DLG1: variants seen among roughly 807,000 people sequenced by gnomAD.
DLG1 encodes the protein disks large homolog 1.
Under a neutral mutation model 123.4 loss-of-function variants are expected in DLG1, and 42 were observed. That is an observed-to-expected ratio of 0.34 (90% CI 0.27 to 0.44). The LOEUF is 0.44. Among genes scored for constraint, DLG1 ranks in the 20% least tolerant of loss-of-function variants. DLG1 has a pLI of 1.00. For synonymous variants in DLG1, 317 were observed against 356.2 expected, an observed-to-expected ratio of 0.89 and a Z score of 1.24; for missense variants, 942 against 1,082.6, an observed-to-expected ratio of 0.87 and a Z score of 1.82.
intron 18 of DLG1, among the ~76,000 whole-genome samples, chr3:197,076,249 T>C (rs1747200703): frequency 6.6e-6 from 1 of 152,234 alleles, no homozygotes; most frequent in Admixed American, 6.5e-5. Context: ...AGGTAGCTTC[T>C]CATGTATTCA....
chr3:197,099,783 C>G (rs1428614043), intron 14 of DLG1, among the ~76,000 whole-genome samples: 1 of 152,114 alleles, frequency 6.6e-6, no homozygotes, highest in East Asian at 1.9e-4. Flanking sequence ...AGATATTAAA[C>G]CCAAGAGAAA....
chr3:197,280,686 G>A (rs1337758708), intron 4 of DLG1, among the ~76,000 whole-genome samples: 2 of 151,932 alleles, frequency 1.3e-5, no homozygotes, highest in South Asian at 2.1e-4. Flanking sequence ...ATAAGAATTC[G>A]AGGCTTTATA....
intron 5 of DLG1, among the ~76,000 whole-genome samples, chr3:197,184,739 T>G (rs1179810765): frequency 6.6e-6 from 1 of 152,220 alleles, no homozygotes; most frequent in Non-Finnish European, 1.5e-5. Context: ...GAGAAAGAAT[T>G]AACGCTGGTA....
intron 15 of DLG1, among the ~76,000 whole-genome samples, chr3:197,089,376 A>C (rs991036610): frequency 6.6e-6 from 1 of 152,024 alleles, no homozygotes; most frequent in Admixed American, 6.6e-5. Context: ...AAAACACAAA[A>C]ATTAGCCAGG....
chr3:197,045,839 T>C (rs1722657276), intron 24 of DLG1, among the ~76,000 whole-genome samples: 1 of 152,214 alleles, frequency 6.6e-6, no homozygotes, highest in African/African-American at 2.4e-5. Context: ...CCCAGTGATC[T>C]TGGAAGAGCA....
chr3:197,260,266 G>T (rs1329061974), intron 4 of DLG1: 1 of 435,248 alleles, frequency 2.3e-6, no homozygotes. Context: ...TACCTTTGTG[G>T]TTACAATGCA....
In DLG1 at chr3:197,090,358, T is replaced by C. The variant is rs1255114924; in HGVS notation, c.1661+554A>G. Reference sequence around the variant, plus strand: ...TTTATATACTAATATCACCTATTTATTAGACCTATGTTGCCACTTAACCTT... The same window carrying C: ...TTTATATACTAATATCACCTATTTACTAGACCTATGTTGCCACTTAACCTT... On this transcript the variant is annotated intron_variant, in intron 15 of 24. Transcript: ENST00000667157. Among the ~76,000 whole-genome samples the C allele has an allele frequency of 3.3e-5, 5 of 151,910 alleles. No individual in the cohort carries two copies. The East Asian group carries it at 7.7e-4, about 23-fold the overall frequency.
rs568286570 is a variant in DLG1, at chr3:197,230,868, CAAG to C, written c.319-36282_319-36280del. Among the ~76,000 whole-genome samples the C allele has an allele frequency of 6.4e-4, 97 of 151,910 alleles. 1 individual carries two copies. The highest frequency in any genetic ancestry group is 2.2e-3 in the African/African-American group (91 of 41,246). On this transcript the variant is annotated intron_variant, in intron 4 of 24. Transcript: ENST00000667157. ...TTTAATTTTCACACTTGCCAAAAAACAAGAATAAAATGATAGTAGTATCTGCTA... is the reference window on the plus strand; with the variant it reads ...TTTAATTTTCACACTTGCCAAAAAACAATAAAATGATAGTAGTATCTGCTA...
At chr3:197,298,097 T>C in intron 1 of DLG1, 1 of 248,308 alleles carries the variant, frequency 4.0e-6, no homozygotes, top group Non-Finnish European at 6.4e-6. Flanking sequence ...CCAACCGCTC[T>C]CCCCCGAAAC....
intron 4 of DLG1, among the ~76,000 whole-genome samples, chr3:197,274,601 C>G (rs1765530414): frequency 6.6e-6 from 1 of 151,972 alleles, no homozygotes; most frequent in Non-Finnish European, 1.5e-5. Context: ...AAAGCACAGG[C>G]AACAAAAGCA....
chr3:197,180,100 G>C (rs1272256284), intron 5 of DLG1, among the ~76,000 whole-genome samples: 1 of 140,404 alleles, frequency 7.1e-6, no homozygotes, highest in Admixed American at 7.6e-5. Context: ...TATTTATAGT[G>C]CTCTATATGT....
chr3:197,053,925 C>G (rs1036082996), intron 23 of DLG1, among the ~76,000 whole-genome samples: 3 of 151,988 alleles, frequency 2.0e-5, no homozygotes, highest in Admixed American at 2.0e-4. Flanking sequence ...AATCCTGTCT[C>G]TCTAAAAAAT....
intron 5 of DLG1, among the ~76,000 whole-genome samples, chr3:197,167,906 G>T (rs1365820567): frequency 6.6e-6 from 1 of 152,164 alleles, no homozygotes; most frequent in African/African-American, 2.4e-5. Context: ...GTTTGAAAAT[G>T]TCACAAATGT....
intron 4 of DLG1, among the ~76,000 whole-genome samples, chr3:197,196,257 AAAC>A (rs1013812163): frequency 2.0e-5 from 3 of 151,996 alleles, no homozygotes; most frequent in African/African-American, 4.8e-5. Context: ...AGCACTTTTT[AAAC>A]AACATCCTTT....
intron 13 of DLG1, among the ~76,000 whole-genome samples, chr3:197,109,380 TAAAC>T (rs1283328120): frequency 6.6e-6 from 1 of 152,196 alleles, no homozygotes; most frequent in African/African-American, 2.4e-5. Flanking sequence ...AATAAATAAG[TAAAC>T]AAACAAACAT....
At chr3:197,225,574 A>G (rs551832812) in intron 4 of DLG1, among the ~76,000 whole-genome samples, 1 of 152,332 alleles carries the variant, frequency 6.6e-6, no homozygotes, top group South Asian at 2.1e-4. Flanking sequence ...TTTCCTGTAC[A>G]CTTAATTCTC....
chr3:197,068,810 A>G (rs1045986086), intron 19 of DLG1, among the ~76,000 whole-genome samples: 2 of 152,292 alleles, frequency 1.3e-5, no homozygotes, highest in South Asian at 4.1e-4. Flanking sequence ...GACCCAGATC[A>G]GTATTGGTGA....
At chr3:197,087,650 A>C (rs916794186) in intron 15 of DLG1, among the ~76,000 whole-genome samples, 1 of 152,196 alleles carries the variant, frequency 6.6e-6, no homozygotes, top group Non-Finnish European at 1.5e-5. Flanking sequence ...ATTTTAACAC[A>C]TTTCTGGATG....
intron 6 of DLG1, among the ~76,000 whole-genome samples, chr3:197,143,950 C>T (rs1053542489): frequency 1.1e-4 from 16 of 152,312 alleles, no homozygotes; most frequent in African/African-American, 3.8e-4. Context: ...TGAAACAAGT[C>T]CCTGGAATCA....
Sources: allele counts gnomAD v4.1 joint callset (sites outside exome capture counted in the v4.1 genomes callset), GRCh38; gene constraint gnomAD v4.1.1; transcripts MANE v1.5; gene names NCBI Gene and HGNC (gene_info 2026-07-23, HGNC 2026-07-21).